OSBPL1A: variants seen among roughly 807,000 people sequenced by gnomAD.
OSBPL1A encodes oxysterol-binding protein-related protein 1.
OSBPL1A carries 80 observed loss-of-function variants against 137.1 expected under a neutral mutation model. That is an observed-to-expected ratio of 0.58 (90% CI 0.49 to 0.70). The LOEUF is 0.70. Ranked by LOEUF, OSBPL1A falls within the 30% of genes least tolerant of loss-of-function variation. The pLI is 0.00. For synonymous variants in OSBPL1A, 365 were observed against 389.7 expected, an observed-to-expected ratio of 0.94 and a Z score of 0.75; for missense variants, 970 against 1,129.4, an observed-to-expected ratio of 0.86 and a Z score of 2.02.
intron 15 of OSBPL1A, among the ~76,000 whole-genome samples, chr18:24,246,781 ACT>A (rs2088904709): frequency 7.9e-6 from 1 of 125,860 alleles, no homozygotes; most frequent in East Asian, 2.3e-4. Context: ...ACAGAGTGAG[ACT>A]CTGTCTCCCA....
intron 1 of OSBPL1A, among the ~76,000 whole-genome samples, chr18:24,379,720 T>C (rs1047951521): frequency 6.7e-6 from 1 of 149,050 alleles, no homozygotes; most frequent in Non-Finnish European, 1.5e-5. Flanking sequence ...AAAAAAAAAA[T>C]TTAGCCAGGT....
chr18:24,368,207 C>T, intron 3 of OSBPL1A, 80 bp downstream of exon 3: 6 of 1,128,834 alleles, frequency 5.3e-6, no homozygotes, highest in Non-Finnish European at 2.6e-6. Context: ...GCTCAGGTGG[C>T]TTTTCTAAGA....
At chr18:24,331,699 T>C (rs2091082155) in intron 7 of OSBPL1A, among the ~76,000 whole-genome samples, 1 of 150,200 alleles carries the variant, frequency 6.7e-6, no homozygotes, top group Non-Finnish European at 1.5e-5. Flanking sequence ...CCCGGCGGCA[T>C]GTTCCTCTTT....
intron 9 of OSBPL1A, 152 bp downstream of exon 9, chr18:24,318,449 T>C: frequency 1.7e-6 from 1 of 573,308 alleles, no homozygotes; most frequent in Non-Finnish European, 2.9e-6. Flanking sequence ...TAACTAAAAA[T>C]AAAAAAAAAA....
chr18:24,216,263 T>G (rs1198326144), intron 17 of OSBPL1A, among the ~76,000 whole-genome samples: 1 of 152,226 alleles, frequency 6.6e-6, no homozygotes, highest in Non-Finnish European at 1.5e-5. Context: ...CCCAGCACTT[T>G]GGGAGGCCAA....
intron 21 of OSBPL1A, among the ~76,000 whole-genome samples, chr18:24,175,102 G>GTATATATA (rs2086390578): frequency 2.4e-5 from 2 of 83,614 alleles, no homozygotes; most frequent in African/African-American, 7.4e-5. Flanking sequence ...TATTTGCCAT[G>GTATATATA]TGTATGTATA....
At chr18:24,322,291 T>C (rs1031682379) in intron 7 of OSBPL1A, among the ~76,000 whole-genome samples, 1 of 78,778 alleles carries the variant, frequency 1.3e-5, no homozygotes, top group Non-Finnish European at 3.5e-5. Flanking sequence ...TTGTATTTGT[T>C]TTTTTTTTTT....
intron 7 of OSBPL1A, among the ~76,000 whole-genome samples, chr18:24,330,622 C>T (rs1480828030): frequency 1.3e-5 from 2 of 151,608 alleles, no homozygotes; most frequent in Non-Finnish European, 2.9e-5. Context: ...GTAGCTGGGG[C>T]TACAGGCACG....
chr18:24,181,401 A>C, intron 18 of OSBPL1A, 122 bp from the exon 19 acceptor site: 5 of 1,091,206 alleles, frequency 4.6e-6, no homozygotes, highest in Non-Finnish European at 6.4e-6. Context: ...ATGAAATTTC[A>C]TCAATATTGG....
At chr18:24,374,905 G>A (rs183199830) in intron 2 of OSBPL1A, among the ~76,000 whole-genome samples, 1 of 152,112 alleles carries the variant, frequency 6.6e-6, no homozygotes, top group African/African-American at 2.4e-5. Flanking sequence ...TCATAGATTC[G>A]AGGAAAACCT....
At chr18:24,296,841 G>C (rs2090301382) in intron 14 of OSBPL1A, among the ~76,000 whole-genome samples, 1 of 152,112 alleles carries the variant, frequency 6.6e-6, no homozygotes, top group Non-Finnish European at 1.5e-5. Context: ...TGCATCCCTG[G>C]AACAAAACCC....
rs376754496 is a variant in OSBPL1A at position 24,179,525 on chromosome 18, C to T, written c.1910+213G>A. On this transcript the variant is annotated intron_variant, in intron 20 of 27. Coordinates refer to ENST00000319481, the MANE Select transcript of OSBPL1A (RefSeq NM_080597.4). ...GATTAATCCCATGTGATCAGGAATA[C>T]AAAAATCTTTGCAATTATTTCTTAT... 5.3e-5 allele frequency among the ~76,000 whole-genome samples: 8 copies of T among 151,810 alleles called. No homozygotes were observed. The East Asian group carries it at 1.2e-3, about 22-fold the overall frequency.
intron 1 of OSBPL1A, among the ~76,000 whole-genome samples, chr18:24,396,733 A>C (rs1053563548): frequency 2.0e-5 from 3 of 152,162 alleles, no homozygotes; most frequent in African/African-American, 7.2e-5. Context: ...AAACTGCTGC[A>C]AAAAATTCAT....
Position 24,167,330 on chromosome 18 carries a change from T to C in OSBPL1A, c.2534A>G (p.Gln845Arg). The C allele has an allele frequency of 1.2e-6, 2 of 1,613,536 alleles. No individual in the cohort carries two copies. The highest frequency in any genetic ancestry group is 8.5e-7 in the Non-Finnish European group (1 of 1,179,410). Residue 845 changes from glutamine (Q) to arginine (R), a missense_variant and splice_region_variant, in exon 25 of 28, where the codon CAG becomes CGG. Coordinates refer to ENST00000319481, the MANE Select transcript of OSBPL1A (RefSeq NM_080597.4). ...RIAPRPPNSA[Q>R]MYNFTSFAMV... ...CACAGCCAGCAAGCCCAGTCTCACC[T>C]GGGCAGAATTTGGAGGCCGTGGGGC...
chr18:24,384,593 G>A (rs1288283126), intron 1 of OSBPL1A, among the ~76,000 whole-genome samples: 1 of 150,066 alleles, frequency 6.7e-6, no homozygotes, highest in Admixed American at 6.7e-5. Flanking sequence ...AAAGGGCCGG[G>A]GGCGGGTGGC....
At chr18:24,225,339 C>T in intron 16 of OSBPL1A, 141 bp from the exon 17 acceptor site, 1 of 772,342 alleles carries the variant, frequency 1.3e-6, no homozygotes, top group Non-Finnish European at 2.1e-6. Flanking sequence ...TTAACTACCT[C>T]CTCAGGGATT....
intron 1 of OSBPL1A, among the ~76,000 whole-genome samples, chr18:24,389,669 G>A (rs139435170): frequency 2.0e-5 from 3 of 152,070 alleles, no homozygotes; most frequent in African/African-American, 7.2e-5. Flanking sequence ...GGCCAGGTGC[G>A]GTGGCTCACG....
chr18:24,229,976 C>A (rs1295470228), intron 16 of OSBPL1A, among the ~76,000 whole-genome samples: 1 of 152,186 alleles, frequency 6.6e-6, no homozygotes, highest in Non-Finnish European at 1.5e-5. Context: ...TCTTGAACTC[C>A]TGGCCTCAGG....
At chr18:24,235,176 C>A (rs142028732) in intron 16 of OSBPL1A, among the ~76,000 whole-genome samples, 1 of 152,066 alleles carries the variant, frequency 6.6e-6, no homozygotes, top group Non-Finnish European at 1.5e-5. Context: ...ATGGTGTGTA[C>A]GGGATGAACG....
Sources: allele counts gnomAD v4.1 joint callset (sites outside exome capture counted in the v4.1 genomes callset), GRCh38; gene constraint gnomAD v4.1.1; transcripts MANE v1.5; gene names NCBI Gene and HGNC (gene_info 2026-07-23, HGNC 2026-07-21).